The following FAM227B variants were observed in gnomAD, a reference collection of about 807,000 sequenced individuals.
FAM227B encodes the protein protein FAM227B.
FAM227B carries 88 observed loss-of-function variants against 73.8 expected under a neutral mutation model. The ratio of observed to expected loss-of-function variants is 1.19; its 90% CI spans 1.00 to 1.42. FAM227B has a LOEUF of 1.42. Ranked by LOEUF, FAM227B falls within the 40% of genes most tolerant of loss-of-function variation. The pLI is 0.00. For missense variants in FAM227B, 632 were observed against 590.9 expected (o/e 1.07, Z -0.72); for synonymous variants, 210 against 190.5 (o/e 1.10, Z -0.84).
At chr15:49,407,269 G>A (rs1292957217) in intron 11 of FAM227B, among the ~76,000 whole-genome samples, 1 of 152,170 alleles carries the variant, frequency 6.6e-6, no homozygotes, top group Non-Finnish European at 1.5e-5. Flanking sequence ...CTGCACTAAG[G>A]CCCATGGTGA....
intron 9 of FAM227B, among the ~76,000 whole-genome samples, chr15:49,562,531 C>A (rs770510872): frequency 6.6e-6 from 1 of 151,630 alleles, no homozygotes; most frequent in Non-Finnish European, 1.5e-5. Flanking sequence ...ATACCAAAAT[C>A]TGGAAAAGAC....
chr15:49,580,169 A>G (rs961986763), intron 5 of FAM227B, among the ~76,000 whole-genome samples: 1 of 152,244 alleles, frequency 6.6e-6, no homozygotes, highest in East Asian at 1.9e-4. Context: ...AACTTTTGTT[A>G]GTATAATTTA....
chr15:49,489,795 T>G (rs2056740883), intron 11 of FAM227B, among the ~76,000 whole-genome samples: 1 of 73,404 alleles, frequency 1.4e-5, no homozygotes, highest in Non-Finnish European at 2.8e-5. Flanking sequence ...GAGATATATA[T>G]ATATATTTTA....
At chr15:49,553,242 A>G (rs967023408) in intron 9 of FAM227B, among the ~76,000 whole-genome samples, 3 of 152,208 alleles carry the variant, frequency 2.0e-5, no homozygotes, top group Non-Finnish European at 4.4e-5. Context: ...TACCAGGCAG[A>G]GACTTTTTTT....
At chr15:49,402,212 TAGAA>T (rs1420633186) in intron 11 of FAM227B, among the ~76,000 whole-genome samples, 1 of 152,156 alleles carries the variant, frequency 6.6e-6, no homozygotes, top group Non-Finnish European at 1.5e-5. Flanking sequence ...AAGGGCATGA[TAGAA>T]AGACACAGAG....
chr15:49,489,851 ATATATATTT>A lies in FAM227B; in HGVS notation c.1012+18351_1012+18359del, dbSNP rs1268885314. ...ATATATATATATATTTTATATATAT[ATATATATTT>A]TATATATATATATATATATATATAG... On this transcript the variant is annotated intron_variant, in intron 11 of 15. Coordinates refer to ENST00000299338, the MANE Select transcript of FAM227B (RefSeq NM_152647.3). 1.4e-3 allele frequency among the ~76,000 whole-genome samples: 26 copies of A among 18,478 alleles called. 3 individuals are homozygous for A. The highest frequency in any genetic ancestry group is 6.6e-3 in the East Asian group (2 of 302). The allele number at this position is 18,478 out of a possible 152,430, so 12.1% of individuals were successfully genotyped here.
rs766234737 is a variant in FAM227B, at chr15:49,406,031, C to T, written c.1013-34632G>A. Among the ~76,000 whole-genome samples, 70 of 152,234 alleles carry T rather than the reference C, an allele frequency of 4.6e-4. 1 individual carries two copies. The highest frequency in any genetic ancestry group is 1.5e-4 in the Non-Finnish European group (10 of 68,042). The stretch of plus-strand genomic sequence containing the variant: ...CAGGGGGCCAACGCTCAGCTCCCAA[C>T]TCCTGGACTGCGAGCTCTAACTCTG... On this transcript the variant is annotated intron_variant, in intron 11 of 15. Coordinates refer to ENST00000299338, the MANE Select transcript of FAM227B (RefSeq NM_152647.3).
chr15:49,434,269 A>C (rs2050883761), intron 11 of FAM227B: 1 of 151,550 alleles, frequency 6.6e-6, no homozygotes, highest in African/African-American at 2.4e-5. Context: ...GATATGCAAA[A>C]TTTTAAAGGT....
At chr15:49,517,960 G>C (rs1217784048) in intron 10 of FAM227B, among the ~76,000 whole-genome samples, 1 of 152,080 alleles carries the variant, frequency 6.6e-6, no homozygotes, top group Non-Finnish European at 1.5e-5. Context: ...GTTGTATATA[G>C]ATATAATTTG....
At chr15:49,547,586 T>G (rs2152293558) in intron 9 of FAM227B, among the ~76,000 whole-genome samples, 1 of 152,140 alleles carries the variant, frequency 6.6e-6, no homozygotes, top group East Asian at 1.9e-4. Context: ...TGGAGGAAGA[T>G]CTACCAAGCA....
At chr15:49,512,245 T>C (rs544464004) in intron 10 of FAM227B, among the ~76,000 whole-genome samples, 31 of 152,272 alleles carry the variant, frequency 2.0e-4, no homozygotes, top group Middle Eastern at 3.4e-3. Context: ...GCTGGAAGTA[T>C]TTGATTTTTG....
chr15:49,570,860 T>C (rs2075045681), intron 8 of FAM227B, among the ~76,000 whole-genome samples: 2 of 147,388 alleles, frequency 1.4e-5, no homozygotes, highest in Admixed American at 1.4e-4. Flanking sequence ...TAAATATATA[T>C]TAAATATTAC....
At chr15:49,501,541 C>T (rs150784464) in intron 11 of FAM227B, among the ~76,000 whole-genome samples, 79 of 152,164 alleles carry the variant, frequency 5.2e-4, no homozygotes, top group African/African-American at 1.6e-3. Context: ...TTGCAACAGA[C>T]GACACTCAGA....
chr15:49,392,692 C>T (rs998647910), intron 11 of FAM227B, among the ~76,000 whole-genome samples: 2 of 152,112 alleles, frequency 1.3e-5, no homozygotes, highest in Non-Finnish European at 2.9e-5. Flanking sequence ...GAACTCAAAT[C>T]TTTGAGGATG....
chr15:49,550,211 ACC>A (rs1197140423), intron 9 of FAM227B, among the ~76,000 whole-genome samples: 1 of 112,612 alleles, frequency 8.9e-6, no homozygotes, highest in Admixed American at 8.9e-5. Context: ...CGGGGGGCTG[ACC>A]CCCCCACCTC....
intron 11 of FAM227B, among the ~76,000 whole-genome samples, chr15:49,479,280 A>G (rs2055661509): frequency 6.6e-6 from 1 of 152,120 alleles, no homozygotes; most frequent in African/African-American, 2.4e-5. Context: ...GAACTCTACC[A>G]TTATGCTATC....
intron 10 of FAM227B, among the ~76,000 whole-genome samples, chr15:49,537,602 G>T (rs895455287): frequency 6.6e-6 from 1 of 152,106 alleles, no homozygotes; most frequent in African/African-American, 2.4e-5. Context: ...CATATCATAA[G>T]GGTATCTGCA....
chr15:49,527,742 C>T (rs2060308117), intron 10 of FAM227B, among the ~76,000 whole-genome samples: 1 of 151,598 alleles, frequency 6.6e-6, no homozygotes, highest in African/African-American at 2.4e-5. Flanking sequence ...AAACTCAGTC[C>T]CATTTACAAC....
chr15:49,365,796 GCA>G, intron 13 of FAM227B: 1 of 858,968 alleles, frequency 1.2e-6, no homozygotes, highest in Non-Finnish European at 2.0e-6. Flanking sequence ...CTATTGCTAT[GCA>G]CAGTCCAGAG....
Sources: allele counts gnomAD v4.1 joint callset (sites outside exome capture counted in the v4.1 genomes callset), GRCh38; gene constraint gnomAD v4.1.1; transcripts MANE v1.5; gene names NCBI Gene and HGNC (gene_info 2026-07-23, HGNC 2026-07-21).